GREB1: variants seen among roughly 807,000 people sequenced by gnomAD.
The protein encoded by GREB1 is protein GREB1.
GREB1 carries 106 observed loss-of-function variants against 200.7 expected under a neutral mutation model. The ratio of observed to expected loss-of-function variants is 0.53; its 90% confidence interval spans 0.45 to 0.62. The LOEUF is 0.62. GREB1 is among the 20% of genes least tolerant of loss of function. The pLI is 0.00. For synonymous variants in GREB1, 1,132 were observed against 1,092.4 expected (o/e 1.04, Z -0.72); for missense variants, 2,243 against 2,556.8 (o/e 0.88, Z 2.65).
chr2:11,623,904 GA>G (rs1243691128), intron 23 of GREB1, among the ~76,000 whole-genome samples: 2 of 151,610 alleles, frequency 1.3e-5, no homozygotes, highest in Non-Finnish European at 2.9e-5. Flanking sequence ...TCTGTCTCAA[GA>G]AAAAAACAAC....
chr2:11,595,303 C>T lies in GREB1; in HGVS notation c.1749C>T (p.Tyr583=). The change falls in exon 12 of 33, where the codon TAC becomes TAT. Residue 583 remains tyrosine (Y), a synonymous_variant. Coordinates refer to ENST00000381486, the MANE Select transcript of GREB1 (RefSeq NM_014668.4). ...LSESLLTPAE[Y]QKEVNYELVT... ...AGAGCCTTCTCACTCCTGCGGAGTA[C>T]CAGAAGGAAGTCAATTACGAGCTGG... 9 of 1,613,520 alleles carry T rather than the reference C, an allele frequency of 5.6e-6. No homozygotes were observed. Among genetic ancestry groups the T allele is most frequent in the Non-Finnish European group, 6.8e-6 (8 of 1,179,476 alleles).
rs138112079 is a variant in GREB1 at position 11,629,410 on chromosome 2, A to C, written c.4450-538A>C. On this transcript the variant is annotated intron_variant, in intron 25 of 32. Transcript: ENST00000381486. This position sits in a 1 kb window ranked among gnomAD's most constrained non-coding sequence, Gnocchi z 5.2. ...TGGTGACAGAGCCCAAGGTCTCTGA[A>C]TGTCAGTTTTCACACCTGTAAAATG... Among the ~76,000 whole-genome samples the C allele has an allele frequency of 2.6e-3, 398 of 152,254 alleles. No individual in the cohort carries two copies. Among genetic ancestry groups the C allele is most frequent in the African/African-American group, 8.4e-3 (348 of 41,546 alleles).
chr2:11,538,823 CCCTTCCTCCCTCCCTCCATCCCTT>C (rs1674478140), intron 1 of GREB1, among the ~76,000 whole-genome samples: 1 of 125,868 alleles, frequency 7.9e-6, no homozygotes, highest in Non-Finnish European at 1.7e-5. Flanking sequence ...CTTCCTCCCT[CCCTTCCTCCCTCCCTCCATCCCTT>C]CCTTCCTTCC....
At chr2:11,498,041 G>T (rs1220472877) in intron 1 of GREB1, among the ~76,000 whole-genome samples, 1 of 124,216 alleles carries the variant, frequency 8.1e-6, no homozygotes, top group African/African-American at 3.2e-5. Flanking sequence ...TGTCACCCAG[G>T]CTGGAATGCA....
intron 16 of GREB1, 146 bp downstream of exon 16, chr2:11,601,141 T>G: frequency 1.5e-6 from 1 of 646,648 alleles, no homozygotes; most frequent in Non-Finnish European, 2.6e-6. Context: ...AGTTAGGTTG[T>G]AAACCCTTCT....
intron 7 of GREB1, among the ~76,000 whole-genome samples, chr2:11,583,369 G>A (rs1025918749): frequency 2.0e-5 from 3 of 152,362 alleles, no homozygotes; most frequent in South Asian, 4.1e-4. Flanking sequence ...AAACAGGAAG[G>A]AGGAAAGCAG....
chr2:11,607,256 A>T (rs560774108), intron 17 of GREB1, among the ~76,000 whole-genome samples: 82 of 150,064 alleles, frequency 5.5e-4, no homozygotes, highest in African/African-American at 1.8e-3. Flanking sequence ...GCCAATTTTT[A>T]AAAATTTTTC....
chr2:11,552,816 C>T lies in GREB1; in HGVS notation c.-161-3638C>T, dbSNP rs1022842553. Reference sequence around the variant, plus strand: ...CACGAGGTCAGGAGATCGAGACCATCCTGGCTAACACGGTGAAACCCCGTC... The same window carrying T: ...CACGAGGTCAGGAGATCGAGACCATTCTGGCTAACACGGTGAAACCCCGTC... On this transcript the variant is annotated intron_variant, in intron 1 of 32. Coordinates refer to ENST00000381486, the MANE Select transcript of GREB1 (RefSeq NM_014668.4). Among the ~76,000 whole-genome samples the T allele has an allele frequency of 1.1e-4, 16 of 151,958 alleles. No homozygotes were observed. In the East Asian group the frequency reaches 1.9e-3, roughly 18 times the overall value.
At chr2:11,608,160 A>G (rs1167474090) in intron 17 of GREB1, among the ~76,000 whole-genome samples, 1 of 152,212 alleles carries the variant, frequency 6.6e-6, no homozygotes, top group East Asian at 1.9e-4. Flanking sequence ...GGTCACATAC[A>G]AAGATCATAG....
chr2:11,515,108 TTCCA>T (rs71393889), intron 1 of GREB1, among the ~76,000 whole-genome samples: 36 of 143,062 alleles, frequency 2.5e-4, no homozygotes, highest in Admixed American at 7.6e-4. Flanking sequence ...CTATCCATCC[TTCCA>T]TCCATCCATC....
intron 19 of GREB1, 71 bp from the exon 20 acceptor site, chr2:11,615,020 C>A: frequency 1.7e-6 from 2 of 1,182,238 alleles, no homozygotes; most frequent in Non-Finnish European, 2.5e-6. Context: ...ATCAGTGCTG[C>A]CTGCCGCAGT....
intron 15 of GREB1, 131 bp downstream of exon 15, chr2:11,598,991 A>G: frequency 1.3e-6 from 1 of 763,240 alleles, no homozygotes; most frequent in Non-Finnish European, 2.2e-6. Flanking sequence ...TTCTAAGCAG[A>G]TGCCATGGAG....
chr2:11,603,137 C>T (rs1333940150), intron 17 of GREB1, among the ~76,000 whole-genome samples: 7 of 152,170 alleles, frequency 4.6e-5, no homozygotes, highest in Non-Finnish European at 1.0e-4. Flanking sequence ...GCCCCTTTAA[C>T]CCTGTCGCAA....
At chr2:11,504,621 G>A (rs775006364) in intron 1 of GREB1, among the ~76,000 whole-genome samples, 73 of 152,316 alleles carry the variant, frequency 4.8e-4, no homozygotes, top group Admixed American at 2.5e-3. Flanking sequence ...GCATATTTGT[G>A]TGTGGGTTCT....
chr2:11,499,545 A>G (rs1005361845), intron 1 of GREB1, among the ~76,000 whole-genome samples: 1 of 152,262 alleles, frequency 6.6e-6, no homozygotes, highest in Non-Finnish European at 1.5e-5. Flanking sequence ...TAATATTTGC[A>G]TTAGCTACTT....
rs553449313 is a variant in GREB1 at position 11,641,463 on chromosome 2, G to T, written c.*1009G>T. 6.8e-6 allele frequency: 1 copy of T among 146,678 alleles called. No individual in the cohort carries two copies. Among genetic ancestry groups the T allele is most frequent in the South Asian group, 2.2e-4 (1 of 4,536 alleles). The allele number at this position is 146,678 out of a possible 1,614,324, so 9.1% of individuals were successfully genotyped here. ...GGGCTCACCCCTTCACAGACTGACA[G>T]AATGGTTTTGTTTTGTTTTGTTTTG... On this transcript the variant is annotated 3_prime_UTR_variant, in exon 33 of 33. Coordinates refer to ENST00000381486, the MANE Select transcript of GREB1 (RefSeq NM_014668.4).
At chr2:11,500,693 TAACGG>T (rs1673012918) in intron 1 of GREB1, among the ~76,000 whole-genome samples, 2 of 152,232 alleles carry the variant, frequency 1.3e-5, no homozygotes, top group African/African-American at 4.8e-5. Flanking sequence ...ATCCTTCAAG[TAACGG>T]ACTGTTACTT....
In GREB1 at chr2:11,597,753, A is replaced by C. The variant is rs940310051; in HGVS notation, c.1955-28A>C. 1.2e-6 allele frequency: 2 copies of C among 1,609,928 alleles called. No individual in the cohort carries two copies. Among genetic ancestry groups the C allele is most frequent in the Non-Finnish European group, 1.7e-6 (2 of 1,176,834 alleles). On this transcript the variant is annotated intron_variant, in intron 13 of 32. Transcript: ENST00000381486. This position sits in a 1 kb window ranked among gnomAD's most constrained non-coding sequence, Gnocchi z 4.1. ...GCAGTAGCCGTGTGCCCTGGAGCTC[A>C]CCTGGCATCCTGGGGCTCTGGTTCC...
In GREB1 at chr2:11,592,802, G is replaced by C; in HGVS notation, c.1372G>C (p.Asp458His). The stretch of plus-strand genomic sequence containing the variant: ...CGCGGACCAGGTGCCCTTGATGGAG[G>C]ACCTGGAGCAGATCTTCCTGCGCTC... ...LAADQVPLME[D>H]LEQIFLRSWR... Residue 458 changes from aspartate to histidine, a missense_variant, in exon 11 of 33, where the codon GAC becomes CAC. Around this residue, in one of 3 missense-constraint regions of GREB1, gnomAD observed 1,178 missense variants for 1,387.4 expected, o/e 0.85. Coordinates refer to ENST00000381486, the MANE Select transcript of GREB1 (RefSeq NM_014668.4). 6.4e-7 allele frequency: 1 copy of C among 1,551,020 alleles called. No homozygotes were observed. Among genetic ancestry groups the C allele is most frequent in the Middle Eastern group, 1.9e-4 (1 of 5,368 alleles).
Sources: gnomAD v4.1 joint callset for allele counts (sites outside exome capture counted in the v4.1 genomes callset) on GRCh38, gnomAD v4.1.1 for gene constraint, gnomAD v4.1.1 regional missense constraint, Gnocchi (gnomAD v3.1) non-coding constraint, MANE v1.5 for transcripts, NCBI Gene and HGNC (gene_info 2026-07-23, HGNC 2026-07-21) for gene names.